Variants in KIAA0753 observed in about 807,000 individuals in gnomAD.
KIAA0753 encodes the protein KIAA0753, also known as protein moonraker.
Under a neutral mutation model 116.9 loss-of-function variants are expected in KIAA0753, and 114 were observed. The ratio of observed to expected loss-of-function variants is 0.98; its 90% CI spans 0.84 to 1.14. KIAA0753 has a LOEUF of 1.14. Ranked by LOEUF, KIAA0753 falls within the 50% of genes most tolerant of loss-of-function variation. The pLI is 0.00. For synonymous variants in KIAA0753, 405 were observed against 413.1 expected (o/e 0.98, Z 0.24); for missense variants, 1,156 against 1,172.4 (o/e 0.99, Z 0.20).
chr17:6,597,701 CT>C (rs1305260896), intron 14 of KIAA0753, among the ~76,000 whole-genome samples: 2 of 152,154 alleles, frequency 1.3e-5, no homozygotes, highest in Non-Finnish European at 2.9e-5. Flanking sequence ...ATAATGGTAC[CT>C]TTACAAGAGC....
In KIAA0753 at chr17:6,635,150, A is replaced by G. The variant is rs143170282; in HGVS notation, c.-47T>C. 3 of 1,378,056 alleles carry G rather than the reference A, an allele frequency of 2.2e-6. No individual in the cohort carries two copies. The African/African-American group carries it at 4.3e-5, about 20-fold the overall frequency. The allele number at this position is 1,378,056 out of a possible 1,614,324, so 85.4% of individuals were successfully genotyped here. A position where few individuals can be genotyped will look rare whatever the true frequency, so the allele number is the denominator to read the frequency against. On this transcript the variant is annotated 5_prime_UTR_variant, in exon 2 of 19. Coordinates refer to ENST00000361413, the MANE Select transcript of KIAA0753 (RefSeq NM_014804.3). ...ATAGTGACAGCCTTGTCATCCGGCA[A>G]CAGTCTTCCCTAAAACCATTCCTAA... is the stretch of plus-strand genomic sequence containing the variant.
chr17:6,624,401 T>C (rs1286371752), intron 4 of KIAA0753, among the ~76,000 whole-genome samples: 1 of 152,232 alleles, frequency 6.6e-6, no homozygotes, highest in East Asian at 1.9e-4. Context: ...GGGTAACTGA[T>C]CCACCTGACT....
At chr17:6,631,275 T>C (rs1478688780) in intron 2 of KIAA0753, among the ~76,000 whole-genome samples, 1 of 152,222 alleles carries the variant, frequency 6.6e-6, no homozygotes. Context: ...GAATATAGCA[T>C]TTGGACTATA....
At chr17:6,597,271 T>G (rs896951822) in intron 14 of KIAA0753, among the ~76,000 whole-genome samples, 1 of 151,978 alleles carries the variant, frequency 6.6e-6, no homozygotes, top group Non-Finnish European at 1.5e-5. Context: ...AATAAAGATA[T>G]GAAAAAATGT....
At chr17:6,606,775 G>A (rs1970221971) in intron 12 of KIAA0753, 98 bp downstream of exon 12, 1 of 818,140 alleles carries the variant, frequency 1.2e-6, no homozygotes, top group Admixed American at 2.0e-5. Flanking sequence ...TTCATGTAAT[G>A]AAGTTAGGCC....
chr17:6,610,802 C>G (rs977246716), intron 8 of KIAA0753, among the ~76,000 whole-genome samples: 1 of 152,078 alleles, frequency 6.6e-6, no homozygotes, highest in Non-Finnish European at 1.5e-5. Context: ...CTCTCTGGGC[C>G]TTAGGTCTAA....
At chr17:6,630,722 C>T (rs144745874) in intron 2 of KIAA0753, among the ~76,000 whole-genome samples, 36 of 152,278 alleles carry the variant, frequency 2.4e-4, no homozygotes, top group African/African-American at 6.7e-4. Context: ...TATCCACAAA[C>T]TGGAGTAAAA....
intron 7 of KIAA0753, among the ~76,000 whole-genome samples, chr17:6,617,156 T>C (rs910557388): frequency 6.6e-6 from 1 of 152,218 alleles, no homozygotes; most frequent in Non-Finnish European, 1.5e-5. Flanking sequence ...CTCAAGTTAC[T>C]GTGATTTGCT....
At chr17:6,582,670 C>T (rs1448896637) in intron 18 of KIAA0753, among the ~76,000 whole-genome samples, 2 of 152,270 alleles carry the variant, frequency 1.3e-5, no homozygotes, top group East Asian at 3.9e-4. Context: ...TTTGTTCTCT[C>T]TTCTTTCTTG....
rs879538350 is a variant in KIAA0753, at chr17:6,591,052, A to AGGAAGAAGGAAGAAG, written c.2441-423_2441-422insCTTCTTCCTTCTTCC. On this transcript the variant is annotated intron_variant, in intron 16 of 18. Transcript: ENST00000361413. ...GAAGAAGGAAGAAGGAAGAAGAAGA[A>AGGAAGAAGGAAGAAG]GAAGAAGAAGAAGAAGAAGAAGAAG... is the stretch of plus-strand genomic sequence containing the variant. Among the ~76,000 whole-genome samples, 132 of 54,514 alleles carry AGGAAGAAGGAAGAAG rather than the reference A, an allele frequency of 2.4e-3. 2 individuals are homozygous for AGGAAGAAGGAAGAAG. The highest frequency in any genetic ancestry group is 6.7e-3 in the African/African-American group (89 of 13,238). The allele number at this position is 54,514 out of a possible 152,430, so 35.8% of individuals were successfully genotyped here.
intron 8 of KIAA0753, among the ~76,000 whole-genome samples, chr17:6,611,444 G>T (rs755850818): frequency 2.4e-4 from 36 of 152,048 alleles, no homozygotes; most frequent in Admixed American, 1.4e-3. Flanking sequence ...GGGACTACAA[G>T]CATGAGTTAC....
chr17:6,625,637 A>G (rs1971619082), intron 3 of KIAA0753, among the ~76,000 whole-genome samples: 3 of 151,874 alleles, frequency 2.0e-5, no homozygotes, highest in Admixed American at 2.0e-4. Flanking sequence ...ACTACACTCC[A>G]GCCTGGGTGA....
chr17:6,604,078 T>A (rs961852990), intron 12 of KIAA0753, among the ~76,000 whole-genome samples: 1 of 152,196 alleles, frequency 6.6e-6, no homozygotes, highest in Non-Finnish European at 1.5e-5. Flanking sequence ...GTATGGCAGT[T>A]TGGAACAAAG....
At position 6,585,362 on chromosome 17, in the gene KIAA0753, T is replaced by TTCAC. The variant is rs1240534039; in HGVS notation, c.2786+4413_2786+4416dup. ...GTGTTCTGTTCTATTCATTTATTCC[T>TTCAC]TCACTCACTCACTCACAAGTAGACA... On this transcript the variant is annotated intron_variant, in intron 18 of 18. Coordinates refer to ENST00000361413, the MANE Select transcript of KIAA0753 (RefSeq NM_014804.3). 1.1e-4 allele frequency among the ~76,000 whole-genome samples: 17 copies of TTCAC among 152,326 alleles called. No individual in the cohort carries two copies. In the South Asian group the frequency reaches 2.5e-3, roughly 22 times the overall value.
Position 6,599,434 on chromosome 17 carries a change from C to T in KIAA0753, c.2089-114G>A, listed in dbSNP as rs1363197779. 9.8e-6 allele frequency: 7 copies of T among 711,570 alleles called. No homozygotes were observed. The African/African-American group carries it at 1.2e-4, about 13-fold the overall frequency. 44.1% of individuals were successfully genotyped at this position (711,570 alleles called of 1,614,324 possible). A position where few individuals can be genotyped will look rare whatever the true frequency, so the allele number is the denominator to read the frequency against. On this transcript the variant is annotated intron_variant, in intron 13 of 18. Coordinates refer to ENST00000361413, the MANE Select transcript of KIAA0753 (RefSeq NM_014804.3). The stretch of plus-strand genomic sequence containing the variant: ...TGGAACTATTCATCAGCTTTAGCTA[C>T]ATTAGGCTTTTTGCAGCAATTCAAA...
intron 16 of KIAA0753, among the ~76,000 whole-genome samples, chr17:6,594,285 C>G (rs999183662): frequency 2.7e-5 from 4 of 149,698 alleles, no homozygotes; most frequent in South Asian, 4.4e-4. Context: ...TGACCCCCCC[C>G]CCCAGAACTA....
At chr17:6,612,807 G>T (rs955625642) in intron 7 of KIAA0753, among the ~76,000 whole-genome samples, 1 of 152,198 alleles carries the variant, frequency 6.6e-6, no homozygotes, top group Non-Finnish European at 1.5e-5. Context: ...GACAGAGGTT[G>T]CAGTGAGCCA....
chr17:6,584,982 G>C (rs935478503), intron 18 of KIAA0753, among the ~76,000 whole-genome samples: 1 of 151,800 alleles, frequency 6.6e-6, no homozygotes, highest in South Asian at 2.1e-4. Context: ...TTTGTTTTTT[G>C]TAGAGAAGAA....
intron 13 of KIAA0753, 67 bp from the exon 14 acceptor site, chr17:6,599,387 T>G: frequency 9.4e-7 from 1 of 1,064,094 alleles, no homozygotes. Flanking sequence ...ACAAATGAAT[T>G]CTATTACCAG....
Sources: allele counts gnomAD v4.1 joint callset (sites outside exome capture counted in the v4.1 genomes callset), GRCh38; gene constraint gnomAD v4.1.1; transcripts MANE v1.5; gene names NCBI Gene and HGNC (gene_info 2026-07-23, HGNC 2026-07-21).